CEP152: variants seen among roughly 807,000 people sequenced by gnomAD.
CEP152 encodes centrosomal protein 152, also known as centrosomal protein of 152 kDa.
A neutral mutation model predicts 188.9 loss-of-function variants in CEP152; 132 were observed. The observed-to-expected ratio is 0.70, with a 90% CI of 0.61 to 0.81. The LOEUF (loss-of-function observed/expected upper bound fraction) is 0.81, where lower values mean the gene tolerates loss of function less well. CEP152 is among the 30% of genes least tolerant of loss of function. The pLI is 0.00. For synonymous variants in CEP152, 649 were observed against 666.6 expected, an observed-to-expected ratio of 0.97 and a Z score of 0.41; for missense variants, 1,914 against 1,969.8, an observed-to-expected ratio of 0.97 and a Z score of 0.54.
At position 48,797,313 on chromosome 15, in the gene CEP152, C is replaced by A; in HGVS notation, c.528G>T (p.Trp176Cys). ...TNVIKFSDPQ[W>C]NHFQGPSCQG... is the part of the protein sequence containing the mutation. ...GTTTTTACAATACCTGAAAATGGTT[C>A]CATTGAGGATCTGAAAATTTAATTA... Residue 176 changes from tryptophan (W) to cysteine (C), a missense_variant, in exon 5 of 27, where the codon TGG (tryptophan) becomes TGT (cysteine). Physicochemically the swap from Trp to Cys is radical, Grantham distance 215 (BLOSUM62 -2). Transcript: ENST00000380950. 6.2e-7 allele frequency: 1 copy of A among 1,613,976 alleles called. No homozygotes were observed. The highest frequency in any genetic ancestry group is 8.5e-7 in the Non-Finnish European group (1 of 1,179,968).
chr15:48,744,792 T>C, intron 23 of CEP152, 104 bp downstream of exon 23: 2 of 1,073,980 alleles, frequency 1.9e-6, no homozygotes, highest in Non-Finnish European at 2.7e-6. Context: ...TCTTCTTTTT[T>C]ATACTTTTTG....
Position 48,739,031 on chromosome 15 carries a change from T to C in CEP152, c.4351A>G (p.Lys1451Glu), listed in dbSNP as rs1397852646. 3 of 1,614,214 alleles carry C rather than the reference T, an allele frequency of 1.9e-6. No individual in the cohort carries two copies. Among genetic ancestry groups the C allele is most frequent in the Non-Finnish European group, 2.5e-6 (3 of 1,180,028 alleles). ...TTCCTTGGCAAACTGTTTAGGTGCTTGCAACTACCATCCCCAAACTGGAAT... is the reference window on the plus strand; with the variant it reads ...TTCCTTGGCAAACTGTTTAGGTGCTCGCAACTACCATCCCCAAACTGGAAT... ...LEFQFGDGSC[K>E]HLNSLPRNVS... is the part of the protein sequence containing the mutation. The change falls in exon 27 of 27, where the codon AAG (lysine) becomes GAG (glutamate). Residue 1451 changes from lysine to glutamate, a missense_variant. Physicochemically the swap from Lys to Glu is moderately conservative, Grantham distance 56. Transcript: ENST00000380950.
chr15:48,765,636 ATTTT>A (rs34837739), intron 17 of CEP152: 3,204 of 186,062 alleles, frequency 0.017, 1 homozygote, highest in East Asian at 0.042. Context: ...GTTCTTGCCA[ATTTT>A]TTTTTTTTTT....
At chr15:48,804,970 G>A (rs772541478) in intron 2 of CEP152, among the ~76,000 whole-genome samples, 22 of 152,122 alleles carry the variant, frequency 1.4e-4, no homozygotes, top group African/African-American at 2.4e-4. Context: ...GTGTTTTGGC[G>A]TAGACTGCTC....
intron 9 of CEP152, among the ~76,000 whole-genome samples, chr15:48,784,616 A>G (rs1268447766): frequency 6.6e-5 from 10 of 152,106 alleles, no homozygotes; most frequent in Admixed American, 6.5e-4. Context: ...CCAAAAAATA[A>G]TCTTTCCCTC....
Position 48,797,917 on chromosome 15 carries a change from T to C in CEP152, c.191+31A>G, listed in dbSNP as rs532227703. On this transcript the variant is annotated intron_variant, in intron 3 of 26. Transcript: ENST00000380950. Reference sequence around the variant, plus strand: ...AAGAAAAAGACTTATAGAATTGCAATATACAAGTGAAAGTGACTTCAGGTG... The same window carrying C: ...AAGAAAAAGACTTATAGAATTGCAACATACAAGTGAAAGTGACTTCAGGTG... 4 of 1,559,642 alleles carry C rather than the reference T, an allele frequency of 2.6e-6. No individual in the cohort carries two copies. The African/African-American group carries it at 4.1e-5, about 16-fold the overall frequency.
chr15:48,789,716 A>T (rs764602758), intron 8 of CEP152, among the ~76,000 whole-genome samples: 8 of 152,222 alleles, frequency 5.3e-5, no homozygotes, highest in Non-Finnish European at 1.2e-4. Flanking sequence ...TCAGCCATTC[A>T]TTGCTGGCTT....
chr15:48,769,022 A>T lies in CEP152; in HGVS notation c.1842T>A (p.Ser614=), dbSNP rs370561605. The change falls in exon 14 of 27, where the codon TCT becomes TCA. Residue 614 remains serine (S), a synonymous_variant. Coordinates refer to ENST00000380950, the MANE Select transcript of CEP152 (RefSeq NM_001194998.2). The stretch of plus-strand genomic sequence containing the variant: ...GCAGAATATCATCTCTGACAACATC[A>T]GAAGTAGAAGACTCAGGCCATAATT... The part of the protein sequence containing the change: ...KNQLWPESST[S]DVVRDDILLL... 25 of 1,601,096 alleles carry T rather than the reference A, an allele frequency of 1.6e-5. No individual in the cohort carries two copies. In the East Asian group the frequency reaches 1.6e-4, roughly 10 times the overall value.
chr15:48,747,077 T>C (rs1893495540), intron 22 of CEP152, among the ~76,000 whole-genome samples: 1 of 152,184 alleles, frequency 6.6e-6, no homozygotes, highest in African/African-American at 2.4e-5. Context: ...TTTGGTTTTA[T>C]ACTGAAGGCC....
At chr15:48,760,100 A>G in intron 19 of CEP152, 35 bp downstream of exon 19, 1 of 1,613,456 alleles carries the variant, frequency 6.2e-7, no homozygotes. Flanking sequence ...CAGGTAAGAC[A>G]GCCTCCTGAA....
intron 12 of CEP152, among the ~76,000 whole-genome samples, chr15:48,776,163 G>A (rs1254665707): frequency 6.6e-6 from 1 of 151,884 alleles, no homozygotes; most frequent in African/African-American, 2.4e-5. Context: ...GTGGTCCTAC[G>A]AATATTCACT....
At chr15:48,742,404 T>A (rs1290648708) in intron 24 of CEP152, among the ~76,000 whole-genome samples, 1 of 152,066 alleles carries the variant, frequency 6.6e-6, no homozygotes, top group East Asian at 1.9e-4. Flanking sequence ...ATACTGTAAA[T>A]ATGAGGTACA....
Position 48,795,877 on chromosome 15 carries a change from T to C in CEP152, c.691+133A>G. ...TATATATCTCTAAAAATAAGGGCTC[T>C]TTGAAATATCAAGCACAATTCTATT... On this transcript the variant is annotated intron_variant, in intron 6 of 26. Coordinates refer to ENST00000380950, the MANE Select transcript of CEP152 (RefSeq NM_001194998.2). 4.9e-6 allele frequency: 4 copies of C among 812,812 alleles called. No individual in the cohort carries two copies. In the East Asian group the frequency reaches 1.1e-4, roughly 22 times the overall value. The allele number at this position is 812,812 out of a possible 1,614,324, so 50.3% of individuals were successfully genotyped here.
intron 21 of CEP152, 119 bp from the exon 22 acceptor site, chr15:48,748,729 AC>A: frequency 9.2e-7 from 1 of 1,082,474 alleles, no homozygotes; most frequent in East Asian, 2.9e-5. Context: ...CTACAGCACG[AC>A]TGAAAGAGTG....
At chr15:48,783,816 A>T (rs1479234430) in intron 10 of CEP152, 157 bp downstream of exon 10, 1 of 338,466 alleles carries the variant, frequency 3.0e-6, no homozygotes, top group Non-Finnish European at 5.2e-6. Flanking sequence ...TGCCTTCTGT[A>T]TATATATAAA....
chr15:48,806,690 C>T (rs558496619), intron 1 of CEP152, among the ~76,000 whole-genome samples: 310 of 152,330 alleles, frequency 2.0e-3, no homozygotes, highest in African/African-American at 7.1e-3. Flanking sequence ...TTAGCTCCCT[C>T]GTCTTAACAG....
At chr15:48,789,529 G>A (rs1022490598) in intron 8 of CEP152, among the ~76,000 whole-genome samples, 7 of 152,188 alleles carry the variant, frequency 4.6e-5, no homozygotes, top group Non-Finnish European at 7.3e-5. Context: ...CAAAACCTGT[G>A]AATCAGTTAT....
intron 2 of CEP152, among the ~76,000 whole-genome samples, chr15:48,803,865 C>T (rs1897820361): frequency 6.6e-6 from 1 of 152,192 alleles, no homozygotes; most frequent in Non-Finnish European, 1.5e-5. Context: ...AACTGACCTT[C>T]TCAAGAATCC....
At chr15:48,789,316 C>T (rs372179203) in intron 8 of CEP152, 20 of 408,882 alleles carry the variant, frequency 4.9e-5, no homozygotes, top group African/African-American at 3.8e-4. Context: ...GCCGTGATGG[C>T]CCCAGTGCTG....
Sources: gnomAD v4.1 joint callset for allele counts (sites outside exome capture counted in the v4.1 genomes callset) on GRCh38, gnomAD v4.1.1 for gene constraint, MANE v1.5 for transcripts, NCBI Gene and HGNC (gene_info 2026-07-23, HGNC 2026-07-21) for gene names.